Variants in SORCS3 observed in about 807,000 individuals in gnomAD.
The protein encoded by SORCS3 is VPS10 domain-containing receptor SorCS3.
In SORCS3, 57 loss-of-function variants were observed where a neutral mutation model predicts 146.3. That is an observed-to-expected ratio of 0.39 (90% CI 0.31 to 0.49). SORCS3 has a LOEUF of 0.49. Among genes scored for constraint, SORCS3 ranks in the 20% least tolerant of loss-of-function variants. The probability of loss-of-function intolerance (pLI) is 0.92; values close to 1 mark genes in which losing one functional copy is unlikely to be tolerated. For missense variants in SORCS3, 1,341 were observed against 1,575.5 expected, an observed-to-expected ratio of 0.85 and a Z score of 2.52; for synonymous variants, 653 against 618.5, an observed-to-expected ratio of 1.06 and a Z score of -0.83.
At chr10:104,940,246 T>A (rs1316491675) in intron 3 of SORCS3, among the ~76,000 whole-genome samples, 1,376 of 30,672 alleles carry the variant, frequency 0.045, 8 homozygotes, top group Non-Finnish European at 0.084. Flanking sequence ...ATATTTTTTT[T>A]TTTTTTTTTA....
chr10:105,140,822 C>T (rs2056090251), intron 8 of SORCS3, among the ~76,000 whole-genome samples: 1 of 152,032 alleles, frequency 6.6e-6, no homozygotes, highest in African/African-American at 2.4e-5. Context: ...TTTTATCTAC[C>T]CTCTCTCTGA....
intron 2 of SORCS3, among the ~76,000 whole-genome samples, chr10:104,884,148 G>A (rs1387063837): frequency 6.6e-6 from 1 of 152,178 alleles, no homozygotes; most frequent in Non-Finnish European, 1.5e-5. Context: ...AATACTTCTT[G>A]GCAGGCCAAG....
At chr10:104,851,877 C>T (rs768288477) in intron 2 of SORCS3, among the ~76,000 whole-genome samples, 3 of 152,162 alleles carry the variant, frequency 2.0e-5, no homozygotes, top group Non-Finnish European at 4.4e-5. Context: ...GGCAAATTCC[C>T]TTGTAAGACC....
chr10:104,736,659 TTC>T (rs914181862), intron 1 of SORCS3, among the ~76,000 whole-genome samples: 5 of 152,338 alleles, frequency 3.3e-5, no homozygotes, highest in African/African-American at 1.2e-4. Flanking sequence ...AAGTGAGTCC[TTC>T]TGAAATCTGT....
chr10:105,230,316 G>A (rs1257786819), intron 20 of SORCS3, among the ~76,000 whole-genome samples: 1 of 152,086 alleles, frequency 6.6e-6, no homozygotes, highest in Non-Finnish European at 1.5e-5. Flanking sequence ...CCCCAGGTGG[G>A]ATGCTTAGGT....
At chr10:104,781,445 G>C (rs2017372960) in intron 1 of SORCS3, among the ~76,000 whole-genome samples, 1 of 152,244 alleles carries the variant, frequency 6.6e-6, no homozygotes, top group African/African-American at 2.4e-5. Context: ...CACAGAGGTT[G>C]AGTGCATGAG....
At chr10:104,876,647 A>G (rs1419360394) in intron 2 of SORCS3, among the ~76,000 whole-genome samples, 1 of 150,670 alleles carries the variant, frequency 6.6e-6, no homozygotes, top group Non-Finnish European at 1.5e-5. Flanking sequence ...TGCCCCCAAA[A>G]CTCCACACCA....
rs1374618517 is a variant in SORCS3, at chr10:105,110,195, TGAG to T, written c.1212+4681_1212+4683del. Among the ~76,000 whole-genome samples, 348 of 152,186 alleles carry T rather than the reference TGAG, an allele frequency of 2.3e-3. 1 individual carries two copies. The highest frequency in any genetic ancestry group is 7.8e-3 in the African/African-American group (326 of 41,560). On this transcript the variant is annotated intron_variant, in intron 7 of 26. Coordinates refer to ENST00000369701, the MANE Select transcript of SORCS3 (RefSeq NM_014978.3). The stretch of plus-strand genomic sequence containing the variant: ...TCCTGTTTTTGTTTAACTTCTTTTC[TGAG>T]CTTTGCCAGTTTATATTGTGTCTCT...
At chr10:104,815,867 T>G (rs1276118289) in intron 1 of SORCS3, among the ~76,000 whole-genome samples, 1 of 152,020 alleles carries the variant, frequency 6.6e-6, no homozygotes, top group Non-Finnish European at 1.5e-5. Flanking sequence ...TGTATATTCA[T>G]ACGTTTTTTC....
intron 5 of SORCS3, among the ~76,000 whole-genome samples, chr10:105,054,247 T>A (rs2055431547): frequency 1.3e-5 from 2 of 152,002 alleles, no homozygotes; most frequent in Non-Finnish European, 2.9e-5. Context: ...TTAGCATACT[T>A]TGTACTTACA....
At chr10:105,139,574 A>T (rs1033190929) in intron 8 of SORCS3, 88 bp downstream of exon 8, 3 of 1,040,336 alleles carry the variant, frequency 2.9e-6, no homozygotes, top group Non-Finnish European at 3.0e-6. Flanking sequence ...GGGAGGTTTT[A>T]TCTGTTTGGA....
At chr10:104,904,474 G>A (rs2018882816) in intron 2 of SORCS3, among the ~76,000 whole-genome samples, 1 of 151,060 alleles carries the variant, frequency 6.6e-6, no homozygotes, top group Admixed American at 6.6e-5. Context: ...AAATATTTAT[G>A]TCTGACAACA....
At chr10:105,240,451 A>C (rs2056815759) in intron 20 of SORCS3, among the ~76,000 whole-genome samples, 1 of 152,224 alleles carries the variant, frequency 6.6e-6, no homozygotes, top group Admixed American at 6.5e-5. Context: ...TGCAGTGAAC[A>C]TCAACATACA....
At chr10:104,843,817 C>T (rs535649657) in intron 2 of SORCS3, among the ~76,000 whole-genome samples, 1 of 152,226 alleles carries the variant, frequency 6.6e-6, no homozygotes, top group East Asian at 1.9e-4. Context: ...GCTTCACCCT[C>T]TCTGCTAGGT....
intron 5 of SORCS3, among the ~76,000 whole-genome samples, chr10:105,045,683 C>A (rs2055367501): frequency 6.6e-6 from 1 of 152,092 alleles, no homozygotes; most frequent in Admixed American, 6.6e-5. Context: ...ATAGAACAAA[C>A]CTTGGCTTAA....
chr10:105,179,499 G>A (rs2056429437), intron 14 of SORCS3, among the ~76,000 whole-genome samples: 1 of 152,188 alleles, frequency 6.6e-6, no homozygotes, highest in African/African-American at 2.4e-5. Flanking sequence ...GATACTTAGA[G>A]AATAGAGCAT....
At chr10:104,702,241 T>C (rs1310311078) in intron 1 of SORCS3, among the ~76,000 whole-genome samples, 1 of 152,162 alleles carries the variant, frequency 6.6e-6, no homozygotes, top group African/African-American at 2.4e-5. Flanking sequence ...GCCATCCAGT[T>C]CCCTTCCTTT....
chr10:104,646,459 T>C (rs1029921640), intron 1 of SORCS3, among the ~76,000 whole-genome samples: 9 of 152,194 alleles, frequency 5.9e-5, no homozygotes, highest in African/African-American at 1.7e-4. Context: ...TGTGTAAATC[T>C]ATTGTCAGTG....
intron 22 of SORCS3, among the ~76,000 whole-genome samples, chr10:105,248,422 AATGAGCAGC>A (rs1308359039): frequency 6.6e-6 from 1 of 152,168 alleles, no homozygotes; most frequent in Non-Finnish European, 1.5e-5. Context: ...ATGGTGTTTG[AATGAGCAGC>A]ATGTTCAAAG....
Sources: gnomAD v4.1 joint callset for allele counts (sites outside exome capture counted in the v4.1 genomes callset) on GRCh38, gnomAD v4.1.1 for gene constraint, MANE v1.5 for transcripts, NCBI Gene and HGNC (gene_info 2026-07-23, HGNC 2026-07-21) for gene names.